LRIT2: variants seen among roughly 807,000 people sequenced by gnomAD.
LRIT2 encodes leucine-rich repeat, immunoglobulin-like domain and transmembrane domain-containing protein 2.
Under a neutral mutation model 22.4 loss-of-function variants are expected in LRIT2, and 23 were observed. The observed-to-expected ratio is 1.03, with a 90% CI of 0.74 to 1.45. The LOEUF (loss-of-function observed/expected upper bound fraction) is 1.45. LRIT2 is among the 40% of genes most tolerant of loss of function. The pLI, the probability that LRIT2 is intolerant of heterozygous loss-of-function variation, is 0.00. For missense variants in LRIT2, 784 were observed against 665.6 expected, an observed-to-expected ratio of 1.18 and a Z score of -1.96; for synonymous variants, 291 against 267.1, an observed-to-expected ratio of 1.09 and a Z score of -0.87.
chr10:84,224,202 C>T, intron 2 of LRIT2, 131 bp downstream of exon 2: 1 of 821,616 alleles, frequency 1.2e-6, no homozygotes. Flanking sequence ...GAGCATAATT[C>T]AGGGCTATCC....
rs557276974 is a variant in LRIT2, at chr10:84,221,583, C to T, written c.*337G>A. The T allele has an allele frequency of 4.5e-5, 8 of 176,498 alleles. No homozygotes were observed. Among genetic ancestry groups the T allele is most frequent in the South Asian group, 1.8e-4 (1 of 5,544 alleles). 10.9% of individuals were successfully genotyped at this position (176,498 alleles called of 1,614,324 possible). On this transcript the variant is annotated 3_prime_UTR_variant, in exon 3 of 3. Coordinates refer to ENST00000372113, the MANE Select transcript of LRIT2 (RefSeq NM_001017924.5). ...AGGATAATATATGTAAAATATTATA[C>T]GTAGACATTACGTATAAGCATGTAA... is the stretch of plus-strand genomic sequence containing the variant.
Position 84,222,530 on chromosome 10 carries a change from T to G in LRIT2, c.1043A>C (p.Gln348Pro), listed in dbSNP as rs769297646. 2.6e-5 allele frequency: 42 copies of G among 1,613,876 alleles called. No individual in the cohort carries two copies. Among genetic ancestry groups the G allele is most frequent in the Non-Finnish European group, 3.3e-5 (39 of 1,180,028 alleles). Reference protein sequence around the residue: ...LVISLHVQPAQALHAPDSLSI... With the variant: ...LVISLHVQPAPALHAPDSLSI... The stretch of plus-strand genomic sequence containing the variant: ...AAGAGAATCAGGTGCATGTAGGGCC[T>G]GGGCAGGCTGGACATGGAGAGAGAT... Residue 348 changes from glutamine to proline, a missense_variant, in exon 3 of 3, where the codon CAG becomes CCG. Gln to Pro is a moderately conservative substitution (Grantham distance 76). Coordinates refer to ENST00000372113, the MANE Select transcript of LRIT2 (RefSeq NM_001017924.5).
At chr10:84,223,580 A>G (rs112029954) in intron 2 of LRIT2, among the ~76,000 whole-genome samples, 121 of 152,190 alleles carry the variant, frequency 8.0e-4, no homozygotes, top group African/African-American at 2.8e-3. Context: ...TTACCCAGCT[A>G]TTCCTAGTTG....
Position 84,224,860 on chromosome 10 carries a change from G to A in LRIT2, c.365C>T (p.Ala122Val), listed in dbSNP as rs369090928. 98 of 1,614,038 alleles carry A rather than the reference G, an allele frequency of 6.1e-5. No homozygotes were observed. The highest frequency in any genetic ancestry group is 1.6e-4 in the Middle Eastern group (1 of 6,084). Residue 122 changes from alanine (A) to valine (V), a missense_variant, in exon 2 of 3, where the codon GCG becomes GTG. Transcript: ENST00000372113. Reference protein sequence around the residue: ...GNKLCSVPWTAFRATPLLRVL... With the variant: ...GNKLCSVPWTVFRATPLLRVL... Reference sequence around the variant, plus strand: ...CCTCAGGAGAGGGGTGGCACGGAACGCTGTCCATGGTACTGAGCAGAGCTT... The same window carrying A: ...CCTCAGGAGAGGGGTGGCACGGAACACTGTCCATGGTACTGAGCAGAGCTT...
At position 84,224,698 on chromosome 10, in the gene LRIT2, G is replaced by A. The variant is rs1842545489; in HGVS notation, c.527C>T (p.Ala176Val). 6.2e-6 allele frequency: 10 copies of A among 1,614,028 alleles called. No individual in the cohort carries two copies. The highest frequency in any genetic ancestry group is 5.9e-6 in the Non-Finnish European group (7 of 1,180,022). ...VSKSVFLNWP[A>V]YQKCRQPDCG... ...GTCAGGCTGCCGGCATTTCTGGTAG[G>A]CTGGCCAGTTCAGGAAGACACTCTT... Residue 176 changes from alanine (A) to valine (V), a missense_variant, in exon 2 of 3, where the codon GCC (alanine) becomes GTC (valine). Coordinates refer to ENST00000372113, the MANE Select transcript of LRIT2 (RefSeq NM_001017924.5).
intron 1 of LRIT2, 89 bp from the exon 2 acceptor site, chr10:84,225,203 A>T: frequency 7.7e-7 from 1 of 1,302,642 alleles, no homozygotes; most frequent in Non-Finnish European, 1.1e-6. Flanking sequence ...CATGTGAATC[A>T]GAATAAAAAT....
chr10:84,223,426 A>C (rs1388275551), intron 2 of LRIT2, among the ~76,000 whole-genome samples: 1 of 146,908 alleles, frequency 6.8e-6, no homozygotes, highest in Non-Finnish European at 1.5e-5. Flanking sequence ...ATTTTCTTTC[A>C]TTGATATTGA....
In LRIT2 at chr10:84,225,502, A is replaced by C. The variant is rs1564672983; in HGVS notation, c.19T>G (p.Tyr7Asp). MASVFH[Y>D]FLLVLVFLDT... ...AGAAAGACCAGAACTAACAGGAAGT[A>C]ATGAAAAACTGAAGCCATATTTCTC... The change falls in exon 1 of 3, where the codon TAC (tyrosine) becomes GAC (aspartate). Residue 7 changes from tyrosine (Y) to aspartate (D), a missense_variant. By Grantham distance (160) the Tyr-to-Asp change is radical. Coordinates refer to ENST00000372113, the MANE Select transcript of LRIT2 (RefSeq NM_001017924.5). 3 of 1,614,004 alleles carry C rather than the reference A, an allele frequency of 1.9e-6. No homozygotes were observed. In the African/African-American group the frequency reaches 4.0e-5, roughly 22 times the overall value.
chr10:84,225,454 A>T lies in LRIT2; in HGVS notation c.67T>A (p.Phe23Ile), dbSNP rs1042837822. 6.8e-6 allele frequency: 11 copies of T among 1,614,228 alleles called. No individual in the cohort carries two copies. The highest frequency in any genetic ancestry group is 9.3e-6 in the Non-Finnish European group (11 of 1,180,034). ...VFLDTHAAQP[F>I]CLPGCTCSEE... ...GAGCAAGTGCATCCTGGCAGACAGA[A>T]AGGCTGAGCTGCGTGTGTATCCAGA... The change falls in exon 1 of 3, where the codon TTC (phenylalanine) becomes ATC (isoleucine). Residue 23 changes from phenylalanine to isoleucine, a missense_variant. Phe to Ile is a conservative substitution (Grantham distance 21, BLOSUM62 0). Transcript: ENST00000372113.
At chr10:84,222,852 G>C (rs1338047597) in intron 2 of LRIT2, 172 bp from the exon 3 acceptor site, 1 of 741,664 alleles carries the variant, frequency 1.3e-6, no homozygotes, top group African/African-American at 1.7e-5. Context: ...TTGCCTCCCA[G>C]CAATCCTGTA....
rs1589315397 is a variant in LRIT2, at chr10:84,221,849, T to G, written c.*71A>C. On this transcript the variant is annotated 3_prime_UTR_variant, in exon 3 of 3. Transcript: ENST00000372113. Reference sequence around the variant, plus strand: ...AATATATACTTGCTGGATAAATGGATGGAGCTGCTGCAGAGGGTTGGTTTC... The same window carrying G: ...AATATATACTTGCTGGATAAATGGAGGGAGCTGCTGCAGAGGGTTGGTTTC... 410 of 1,409,076 alleles carry G rather than the reference T, an allele frequency of 2.9e-4. No individual in the cohort carries two copies. Among genetic ancestry groups the G allele is most frequent in the Non-Finnish European group, 3.6e-4 (381 of 1,044,530 alleles). The allele number at this position is 1,409,076 out of a possible 1,614,324, so 87.3% of individuals were successfully genotyped here.
chr10:84,222,544 A>T lies in LRIT2; in HGVS notation c.1029T>A (p.His343Gln), dbSNP rs762579844. The T allele has an allele frequency of 9.9e-6, 16 of 1,613,934 alleles. No individual in the cohort carries two copies. The highest frequency in any genetic ancestry group is 1.3e-5 in the Non-Finnish European group (15 of 1,180,030). Residue 343 changes from histidine to glutamine, a missense_variant, in exon 3 of 3, where the codon CAT (histidine) becomes CAA (glutamine). Transcript: ENST00000372113. ...CATGTAGGGCCTGGGCAGGCTGGAC[A>T]TGGAGAGAGATTACAAGGTTGCTCT... The part of the protein sequence containing the change: ...IGKSNLVISL[H>Q]VQPAQALHAP...
Position 84,222,195 on chromosome 10 carries a change from G to T in LRIT2, c.1378C>A (p.Arg460Ser). 1 of 1,614,172 alleles carries T rather than the reference G, an allele frequency of 6.2e-7. No individual in the cohort carries two copies. The highest frequency in any genetic ancestry group is 8.5e-7 in the Non-Finnish European group (1 of 1,180,038). Residue 460 changes from arginine to serine, a missense_variant, in exon 3 of 3, where the codon CGT becomes AGT. Physicochemically the swap from Arg to Ser is moderately radical, Grantham distance 110. Transcript: ENST00000372113. ...TGRDAGGLEA[R>S]EHLLHVTVVL... ...ACTGTGACATGCAGGAGGTGCTCAC[G>T]TGCCTCTAGCCCACCAGCATCTCTG...
At position 84,224,818 on chromosome 10, in the gene LRIT2, C is replaced by T. The variant is rs761068259; in HGVS notation, c.407G>A (p.Arg136His). The change falls in exon 2 of 3, where the codon CGC becomes CAC. Residue 136 changes from arginine (R) to histidine (H), a missense_variant. By Grantham distance (29) the Arg-to-His change is conservative. Transcript: ENST00000372113. Reference sequence around the variant, plus strand: ...CTCAGGGAGTGCATCAATCTTGTTGCGTTTGAGATCCAAGACCCTCAGGAG... The same window carrying T: ...CTCAGGGAGTGCATCAATCTTGTTGTGTTTGAGATCCAAGACCCTCAGGAG... ...TPLLRVLDLK[R>H]NKIDALPELA... 5.6e-6 allele frequency: 9 copies of T among 1,614,052 alleles called. No individual in the cohort carries two copies. The highest frequency in any genetic ancestry group is 2.2e-5 in the South Asian group (2 of 91,072).
rs1448937660 is a variant in LRIT2 at position 84,222,121 on chromosome 10, C to A, written c.1452G>T (p.Trp484Cys). The change falls in exon 3 of 3, where the codon TGG (tryptophan) becomes TGT (cysteine). Residue 484 changes from tryptophan (W) to cysteine (C), a missense_variant. Trp to Cys is a radical substitution (Grantham distance 215, BLOSUM62 -2). Coordinates refer to ENST00000372113, the MANE Select transcript of LRIT2 (RefSeq NM_001017924.5). ...TGCAGCTGCAGGGGCCCTGGGCTGC[C>A]CAGGCATAGGCGCCCACAGGCACTG... ...LLAVPVGAYA[W>C]AAQGPCSCSK... The A allele has an allele frequency of 6.2e-7, 1 of 1,609,026 alleles. No homozygotes were observed.
Position 84,222,136 on chromosome 10 carries a change from C to G in LRIT2, c.1437G>C (p.Val479=). 1.2e-6 allele frequency: 2 copies of G among 1,609,896 alleles called. No individual in the cohort carries two copies. Among genetic ancestry groups the G allele is most frequent in the South Asian group, 2.2e-5 (2 of 90,954 alleles). Reference sequence around the variant, plus strand: ...CCTGGGCTGCCCAGGCATAGGCGCCCACAGGCACTGCAAGCAGCACCACAC... The same window carrying G: ...CCTGGGCTGCCCAGGCATAGGCGCCGACAGGCACTGCAAGCAGCACCACAC... ...VLCVVLLAVP[V]GAYAWAAQGP... The change falls in exon 3 of 3, where the codon GTG becomes GTC. Residue 479 remains valine, a synonymous_variant. Transcript: ENST00000372113.
chr10:84,225,495 AG>A lies in LRIT2; in HGVS notation c.25del (p.Leu9CysfsTer2). ...TGTATCCAGAAAGACCAGAACTAAC[AG>A]GAAGTAATGAAAAACTGAAGCCATA... Reference protein sequence around the residue: MASVFHYFLLVLVFLDTHA... With the variant: MASVFHYFXLVLVFLDTHA... On this transcript the variant is annotated frameshift_variant, in exon 1 of 3. Coordinates refer to ENST00000372113, the MANE Select transcript of LRIT2 (RefSeq NM_001017924.5). LOFTEE classifies it high-confidence loss of function. 1 of 1,614,100 alleles carries A rather than the reference AG, an allele frequency of 6.2e-7. No individual in the cohort carries two copies. Among genetic ancestry groups the A allele is most frequent in the Non-Finnish European group, 8.5e-7 (1 of 1,180,012 alleles).
At chr10:84,223,571 T>C (rs926912884) in intron 2 of LRIT2, among the ~76,000 whole-genome samples, 6 of 151,976 alleles carry the variant, frequency 3.9e-5, no homozygotes, top group African/African-American at 1.4e-4. Context: ...TCCCAAGTTT[T>C]ACCCAGCTAT....
In LRIT2 at chr10:84,222,477, T is replaced by A; in HGVS notation, c.1096A>T (p.Ile366Phe). Residue 366 changes from isoleucine (I) to phenylalanine (F), a missense_variant, in exon 3 of 3, where the codon ATT becomes TTT. Coordinates refer to ENST00000372113, the MANE Select transcript of LRIT2 (RefSeq NM_001017924.5). ...GTCTGCTTGACAACCCGCAGGTCAA[T>A]GTAGGCATTGCCCTCCGAGGGGATG... is the stretch of plus-strand genomic sequence containing the variant. ...LSIPSEGNAY[I>F]DLRVVKQTVH... The A allele has an allele frequency of 6.2e-7, 1 of 1,613,974 alleles. No homozygotes were observed. Among genetic ancestry groups the A allele is most frequent in the East Asian group, 2.2e-5 (1 of 44,816 alleles).
Sources: gnomAD v4.1 joint callset for allele counts (sites outside exome capture counted in the v4.1 genomes callset) on GRCh38, gnomAD v4.1.1 for gene constraint, MANE v1.5 for transcripts, NCBI Gene and HGNC (gene_info 2026-07-23, HGNC 2026-07-21) for gene names.